Variants in KCNK3 observed in about 807,000 individuals in gnomAD.
KCNK3 encodes the protein potassium channel subfamily K member 3.
Under a neutral mutation model 27.3 loss-of-function variants are expected in KCNK3, and 9 were observed. The observed-to-expected ratio is 0.33, with a 90% CI of 0.20 to 0.57. The LOEUF is 0.57. Ranked by LOEUF, KCNK3 falls within the 20% of genes least tolerant of loss-of-function variation. The pLI is 0.87. For missense variants in KCNK3, 391 were observed against 577.7 expected, an observed-to-expected ratio of 0.68 and a Z score of 3.31; for synonymous variants, 278 against 273.8, an observed-to-expected ratio of 1.02 and a Z score of -0.15.
chr2:26,695,866 A>AC (rs1670228548), intron 1 of KCNK3, among the ~76,000 whole-genome samples: 2 of 151,750 alleles, frequency 1.3e-5, no homozygotes, highest in African/African-American at 2.4e-5. Flanking sequence ...ACATCAGACC[A>AC]CCCCCCTGGT....
intron 1 of KCNK3, among the ~76,000 whole-genome samples, chr2:26,704,355 CT>C (rs1415353577): frequency 2.6e-5 from 4 of 152,140 alleles, no homozygotes; most frequent in African/African-American, 9.7e-5. Context: ...TCTCAGACCC[CT>C]TTTCTCTCCC....
chr2:26,726,947 C>G (rs1230534168), intron 1 of KCNK3, among the ~76,000 whole-genome samples: 1 of 152,212 alleles, frequency 6.6e-6, no homozygotes, highest in East Asian at 1.9e-4. Context: ...CAGTTGGAGG[C>G]TGATGGGGAC....
At chr2:26,719,499 A>C (rs1558601866) in intron 1 of KCNK3, among the ~76,000 whole-genome samples, 1 of 152,114 alleles carries the variant, frequency 6.6e-6, no homozygotes, top group Non-Finnish European at 1.5e-5. Context: ...ACCCAACCAA[A>C]GTTCTCTATG....
At chr2:26,727,522 T>G in intron 1 of KCNK3, 145 bp from the exon 2 acceptor site, 1 of 1,035,724 alleles carries the variant, frequency 9.7e-7, no homozygotes, top group Non-Finnish European at 1.4e-6. Context: ...CCTAGCACAG[T>G]GCGTGGGGAT....
chr2:26,730,574 G>A lies in KCNK3; in HGVS notation c.*2006G>A, dbSNP rs1242989130. On this transcript the variant is annotated 3_prime_UTR_variant, in exon 2 of 2. Transcript: ENST00000302909. Reference sequence around the variant, plus strand: ...AACACTGCCGACCAAGGCCAGCCCTGGCATTCAGGGAAATTGGAGGGCAGC... The same window carrying A: ...AACACTGCCGACCAAGGCCAGCCCTAGCATTCAGGGAAATTGGAGGGCAGC... 1 of 152,374 alleles carries A rather than the reference G, an allele frequency of 6.6e-6. No homozygotes were observed. The highest frequency in any genetic ancestry group is 1.5e-5 in the Non-Finnish European group (1 of 68,150). 9.4% of individuals were successfully genotyped at this position (152,374 alleles called of 1,614,324 possible). A position where few individuals can be genotyped will look rare whatever the true frequency, so the allele number is the denominator to read the frequency against.
chr2:26,728,599 C>T lies in KCNK3; in HGVS notation c.*31C>T. On this transcript the variant is annotated 3_prime_UTR_variant, in exon 2 of 2. Transcript: ENST00000302909. ...CCGAGGGGCCTGGAGCACCTGGGGGCGCGGGCGGGGGACCCCTGCTGGGAG... is the reference window on the plus strand; with the variant it reads ...CCGAGGGGCCTGGAGCACCTGGGGGTGCGGGCGGGGGACCCCTGCTGGGAG... 1 of 1,403,636 alleles carries T rather than the reference C, an allele frequency of 7.1e-7. No individual in the cohort carries two copies. The highest frequency in any genetic ancestry group is 1.5e-5 in the African/African-American group (1 of 66,290). 86.9% of individuals were successfully genotyped at this position (1,403,636 alleles called of 1,614,324 possible). A position where few individuals can be genotyped will look rare whatever the true frequency, so the allele number is the denominator to read the frequency against.
rs1663478065 is a variant in KCNK3, at chr2:26,728,602, G to C, written c.*34G>C. The C allele has an allele frequency of 1.4e-6, 2 of 1,409,490 alleles. No homozygotes were observed. The highest frequency in any genetic ancestry group is 6.2e-5 in the Admixed American group (2 of 32,140). 87.3% of individuals were successfully genotyped at this position (1,409,490 alleles called of 1,614,324 possible). ...AGGGGCCTGGAGCACCTGGGGGCGCGGGCGGGGGACCCCTGCTGGGAGGCC... is the reference window on the plus strand; with the variant it reads ...AGGGGCCTGGAGCACCTGGGGGCGCCGGCGGGGGACCCCTGCTGGGAGGCC... On this transcript the variant is annotated 3_prime_UTR_variant, in exon 2 of 2. Coordinates refer to ENST00000302909, the MANE Select transcript of KCNK3 (RefSeq NM_002246.3).
chr2:26,704,048 G>A (rs1368049893), intron 1 of KCNK3, among the ~76,000 whole-genome samples: 1 of 152,182 alleles, frequency 6.6e-6, no homozygotes, highest in Non-Finnish European at 1.5e-5. Context: ...AATGACCCCA[G>A]TTGAAGCAGT....
In KCNK3 at chr2:26,693,309, C is replaced by T; in HGVS notation, c.283+151C>T. 1.5e-5 allele frequency: 12 copies of T among 775,322 alleles called. No homozygotes were observed. The highest frequency in any genetic ancestry group is 1.7e-5 in the Non-Finnish European group (9 of 526,618). 48.0% of individuals were successfully genotyped at this position (775,322 alleles called of 1,614,324 possible). On this transcript the variant is annotated intron_variant, in intron 1 of 1. Coordinates refer to ENST00000302909, the MANE Select transcript of KCNK3 (RefSeq NM_002246.3). This position sits in a 1 kb window ranked among gnomAD's most constrained non-coding sequence, Gnocchi z 5.5. ...TCGCAGAAACCCGAGTTCAGCCTGG[C>T]GTGTGTGCTCCGCGGGGACGGAACT...
intron 1 of KCNK3, among the ~76,000 whole-genome samples, chr2:26,694,263 A>G (rs1291838847): frequency 6.6e-6 from 1 of 151,996 alleles, no homozygotes; most frequent in African/African-American, 2.4e-5. Flanking sequence ...TCTGAGATGA[A>G]ACCCACCTTC....
intron 1 of KCNK3, among the ~76,000 whole-genome samples, chr2:26,706,643 G>A (rs930120967): frequency 2.0e-5 from 3 of 152,182 alleles, no homozygotes; most frequent in African/African-American, 7.2e-5. Flanking sequence ...ACCAAACTCA[G>A]TGGGCAGCCC....
At chr2:26,703,379 T>C (rs1292731391) in intron 1 of KCNK3, among the ~76,000 whole-genome samples, 2 of 152,212 alleles carry the variant, frequency 1.3e-5, no homozygotes, top group African/African-American at 4.8e-5. Context: ...CTAGCCAAGA[T>C]GACACATCAA....
At chr2:26,714,543 C>G (rs1663189837) in intron 1 of KCNK3, among the ~76,000 whole-genome samples, 1 of 150,198 alleles carries the variant, frequency 6.7e-6, no homozygotes, top group African/African-American at 2.5e-5. Context: ...GGAGAGAGCA[C>G]CCGCCTGCCT....
At chr2:26,699,081 G>A (rs190974366) in intron 1 of KCNK3, among the ~76,000 whole-genome samples, 1 of 151,812 alleles carries the variant, frequency 6.6e-6, no homozygotes, top group Admixed American at 6.6e-5. Context: ...AGGAGGCTGA[G>A]GCAGGAGAAT....
chr2:26,725,641 A>C (rs1663403250), intron 1 of KCNK3, among the ~76,000 whole-genome samples: 1 of 152,024 alleles, frequency 6.6e-6, no homozygotes. Flanking sequence ...ATCTGTTCTC[A>C]CCCTACTGGA....
intron 1 of KCNK3, among the ~76,000 whole-genome samples, chr2:26,694,714 G>A (rs968792548): frequency 7.2e-5 from 11 of 152,232 alleles, no homozygotes; most frequent in Middle Eastern, 6.8e-3. Flanking sequence ...GCCCAGATTT[G>A]GTCTGCAGTC....
chr2:26,705,179 G>A (rs113208498), intron 1 of KCNK3, among the ~76,000 whole-genome samples: 8,328 of 152,134 alleles, frequency 0.055, 748 homozygotes, highest in African/African-American at 0.19. Flanking sequence ...TGCCCAAGCT[G>A]GTCTCAAACT....
At chr2:26,713,548 G>A (rs1225665663) in intron 1 of KCNK3, among the ~76,000 whole-genome samples, 4 of 152,176 alleles carry the variant, frequency 2.6e-5, no homozygotes, top group African/African-American at 9.7e-5. Flanking sequence ...GGGAAGCCGA[G>A]GCGGGCGGAT....
At chr2:26,715,562 C>T (rs774734230) in intron 1 of KCNK3, among the ~76,000 whole-genome samples, 10 of 152,212 alleles carry the variant, frequency 6.6e-5, no homozygotes, top group Non-Finnish European at 1.2e-4. Context: ...AGATGAGTGG[C>T]AGGGAGTAGA....
Sources: allele counts gnomAD v4.1 joint callset (sites outside exome capture counted in the v4.1 genomes callset), GRCh38; gene constraint gnomAD v4.1.1; non-coding constraint Gnocchi (gnomAD v3.1); transcripts MANE v1.5; gene names NCBI Gene and HGNC (gene_info 2026-07-23, HGNC 2026-07-21).